Variants in ZNF804A observed in about 807,000 individuals in gnomAD.
ZNF804A encodes the protein zinc finger protein 804A.
ZNF804A carries 2 observed loss-of-function variants against 16.5 expected under a neutral mutation model. The observed-to-expected ratio is 0.12, with a 90% CI of 0.05 to 0.38. ZNF804A has a LOEUF of 0.38. ZNF804A is among the 10% of genes least tolerant of loss of function. ZNF804A has a pLI of 0.99. For missense variants in ZNF804A, 1,473 were observed against 1,390.7 expected (o/e 1.06, Z -0.94); for synonymous variants, 534 against 489.6 (o/e 1.09, Z -1.20).
intron 1 of ZNF804A, among the ~76,000 whole-genome samples, chr2:184,760,556 T>C (rs76960978): frequency 8.7e-4 from 132 of 152,264 alleles, no homozygotes; most frequent in African/African-American, 3.0e-3. Flanking sequence ...TAAGGTACTA[T>C]ATCTTAATTG....
chr2:184,621,431 A>T (rs1691418292), intron 1 of ZNF804A, among the ~76,000 whole-genome samples: 1 of 151,740 alleles, frequency 6.6e-6, no homozygotes. Flanking sequence ...ACAATCCGAC[A>T]TAAATGGCTT....
At chr2:184,898,916 A>C (rs966234037) in intron 2 of ZNF804A, among the ~76,000 whole-genome samples, 6 of 151,952 alleles carry the variant, frequency 3.9e-5, no homozygotes, top group African/African-American at 1.4e-4. Flanking sequence ...TTGTGTAACT[A>C]TTTTATGATA....
intron 1 of ZNF804A, among the ~76,000 whole-genome samples, chr2:184,752,916 T>C (rs955210932): frequency 2.0e-5 from 3 of 151,528 alleles, no homozygotes; most frequent in Non-Finnish European, 3.0e-5. Context: ...CACAATGAGA[T>C]GTTATCTCAC....
chr2:184,755,782 T>A (rs1693950587), intron 1 of ZNF804A, among the ~76,000 whole-genome samples: 1 of 152,032 alleles, frequency 6.6e-6, no homozygotes, highest in Admixed American at 6.6e-5. Flanking sequence ...CTTTACTCTC[T>A]TCAAATGCAT....
At chr2:184,760,388 A>G (rs968118255) in intron 1 of ZNF804A, among the ~76,000 whole-genome samples, 1 of 152,184 alleles carries the variant, frequency 6.6e-6, no homozygotes, top group African/African-American at 2.4e-5. Flanking sequence ...TAAAATACAT[A>G]TAACTTTCTA....
At chr2:184,922,196 G>A (rs916565134) in intron 2 of ZNF804A, among the ~76,000 whole-genome samples, 4 of 152,028 alleles carry the variant, frequency 2.6e-5, no homozygotes, top group African/African-American at 7.2e-5. Flanking sequence ...CAGAGTGGTT[G>A]TACAAATTTG....
At chr2:184,689,451 T>C (rs1199233831) in intron 1 of ZNF804A, among the ~76,000 whole-genome samples, 1 of 152,092 alleles carries the variant, frequency 6.6e-6, no homozygotes, top group Non-Finnish European at 1.5e-5. Flanking sequence ...TTTCATCTAC[T>C]AAAAATATAC....
chr2:184,912,877 C>T (rs2105832813), intron 2 of ZNF804A, among the ~76,000 whole-genome samples: 1 of 152,144 alleles, frequency 6.6e-6, no homozygotes, highest in Admixed American at 6.6e-5. Flanking sequence ...CTATTCTCTA[C>T]ATTGTATTCT....
chr2:184,919,416 A>T (rs904286676), intron 2 of ZNF804A, among the ~76,000 whole-genome samples: 3 of 152,166 alleles, frequency 2.0e-5, no homozygotes, highest in Non-Finnish European at 4.4e-5. Context: ...TGCTGAGCCC[A>T]TGTATGACCC....
rs1343725325 is a variant in ZNF804A at position 184,936,254 on chromosome 2, A to G, written c.858A>G (p.Arg286=). 1 of 1,614,018 alleles carries G rather than the reference A, an allele frequency of 6.2e-7. No homozygotes were observed. The highest frequency in any genetic ancestry group is 2.2e-5 in the East Asian group (1 of 44,834). Residue 286 remains arginine (R), a synonymous_variant, in exon 4 of 4, where the codon AGA becomes AGG. Transcript: ENST00000302277. The part of the protein sequence containing the change: ...NSFHPPEAMC[R]DKETVQTQEI... ...TTCATCCACCAGAGGCAATGTGCAG[A>G]GACAAAGAAACTGTTCAAACTCAAG...
At chr2:184,779,655 T>C (rs78196726) in intron 1 of ZNF804A, among the ~76,000 whole-genome samples, 5,485 of 151,566 alleles carry the variant, frequency 0.036, 317 homozygotes, top group African/African-American at 0.12. Flanking sequence ...GCTTGAATGG[T>C]TATTGCTGGA....
intron 1 of ZNF804A, among the ~76,000 whole-genome samples, chr2:184,794,200 T>C (rs1694594990): frequency 6.6e-6 from 1 of 152,158 alleles, no homozygotes. Flanking sequence ...AGTGTAGAAG[T>C]ATTCCCTTTT....
At chr2:184,857,746 T>G (rs1268041998) in intron 1 of ZNF804A, among the ~76,000 whole-genome samples, 2 of 152,218 alleles carry the variant, frequency 1.3e-5, no homozygotes, top group Non-Finnish European at 2.9e-5. Context: ...TTTCAGTTTT[T>G]GACTTAAAGC....
At chr2:184,808,101 T>C (rs1694839094) in intron 1 of ZNF804A, among the ~76,000 whole-genome samples, 1 of 151,696 alleles carries the variant, frequency 6.6e-6, no homozygotes, top group African/African-American at 2.4e-5. Flanking sequence ...TATTTACTGA[T>C]AATATAAGAC....
chr2:184,643,464 G>A (rs1275425790), intron 1 of ZNF804A, among the ~76,000 whole-genome samples: 1 of 151,852 alleles, frequency 6.6e-6, no homozygotes, highest in African/African-American at 2.4e-5. Context: ...ACTCATTGTA[G>A]TTACTATTAA....
intron 1 of ZNF804A, among the ~76,000 whole-genome samples, chr2:184,849,737 A>G (rs1031443487): frequency 6.6e-6 from 1 of 151,684 alleles, no homozygotes; most frequent in Non-Finnish European, 1.5e-5. Flanking sequence ...GTGCTAGGAA[A>G]TTAGTATATT....
intron 2 of ZNF804A, among the ~76,000 whole-genome samples, chr2:184,914,324 T>C (rs991041552): frequency 6.6e-6 from 1 of 152,166 alleles, no homozygotes. Flanking sequence ...TGAGATAATG[T>C]GGGTGGATGG....
intron 1 of ZNF804A, among the ~76,000 whole-genome samples, chr2:184,601,605 G>A (rs1691048067): frequency 6.6e-6 from 1 of 151,698 alleles, no homozygotes; most frequent in South Asian, 2.1e-4. Context: ...TTTAATCCCA[G>A]TTTTATGGAG....
At chr2:184,927,389 G>T (rs1041378752) in intron 2 of ZNF804A, among the ~76,000 whole-genome samples, 1 of 152,174 alleles carries the variant, frequency 6.6e-6, no homozygotes, top group Non-Finnish European at 1.5e-5. Context: ...TGGAGCTAGG[G>T]GTGGAGTGTC....
Sources: gnomAD v4.1 joint callset for allele counts (sites outside exome capture counted in the v4.1 genomes callset) on GRCh38, gnomAD v4.1.1 for gene constraint, MANE v1.5 for transcripts, NCBI Gene and HGNC (gene_info 2026-07-23, HGNC 2026-07-21) for gene names.